ADGRL3: variants seen among roughly 807,000 people sequenced by gnomAD.
ADGRL3 encodes adhesion G protein-coupled receptor L3.
Under a neutral mutation model 153.5 loss-of-function variants are expected in ADGRL3, and 62 were observed. That is an observed-to-expected ratio of 0.40 (90% CI 0.33 to 0.50). The LOEUF (loss-of-function observed/expected upper bound fraction) is 0.50, where lower values mean the gene tolerates loss of function less well. Ranked by LOEUF, ADGRL3 falls within the 20% of genes least tolerant of loss-of-function variation. The probability of loss-of-function intolerance (pLI) is 0.47; values close to 1 mark genes in which losing one functional copy is unlikely to be tolerated. For missense variants in ADGRL3, 1,641 were observed against 1,859.4 expected (o/e 0.88, Z 2.16); for synonymous variants, 710 against 672.5 (o/e 1.06, Z -0.86).
At chr4:61,733,982 G>A (rs768800118) in intron 8 of ADGRL3, among the ~76,000 whole-genome samples, 132 of 152,200 alleles carry the variant, frequency 8.7e-4, no homozygotes, top group Non-Finnish European at 1.0e-3. Flanking sequence ...CCGCACCAAT[G>A]TAGTCATCTC....
chr4:61,255,689 C>T (rs1164177095), intron 1 of ADGRL3, among the ~76,000 whole-genome samples: 1 of 152,096 alleles, frequency 6.6e-6, no homozygotes, highest in East Asian at 1.9e-4. Flanking sequence ...AATTACTTGG[C>T]CACATCGCAC....
intron 5 of ADGRL3, among the ~76,000 whole-genome samples, chr4:61,634,336 G>A (rs2093322679): frequency 6.6e-6 from 1 of 152,122 alleles, no homozygotes; most frequent in South Asian, 2.1e-4. Flanking sequence ...TCCATACAAA[G>A]TCAGAGTACC....
At chr4:61,973,902 T>G (rs1231948175) in intron 17 of ADGRL3, among the ~76,000 whole-genome samples, 1 of 152,182 alleles carries the variant, frequency 6.6e-6, no homozygotes, top group East Asian at 1.9e-4. Flanking sequence ...GTAATCAAGA[T>G]GCAATTCAGA....
At chr4:61,516,700 C>T (rs2098497811) in intron 3 of ADGRL3, among the ~76,000 whole-genome samples, 1 of 151,908 alleles carries the variant, frequency 6.6e-6, no homozygotes, top group African/African-American at 2.4e-5. Flanking sequence ...TGTGTATATC[C>T]TTTTCACCTT....
intron 17 of ADGRL3, among the ~76,000 whole-genome samples, chr4:61,958,218 T>C (rs1278383353): frequency 6.6e-6 from 1 of 152,176 alleles, no homozygotes; most frequent in Admixed American, 6.6e-5. Flanking sequence ...TTATGGTATA[T>C]AAAATAATTT....
At chr4:61,510,537 T>A (rs2098457961) in intron 3 of ADGRL3, among the ~76,000 whole-genome samples, 1 of 152,184 alleles carries the variant, frequency 6.6e-6, no homozygotes, top group South Asian at 2.1e-4. Context: ...ATTGCATATT[T>A]TTTGTTGACC....
At chr4:61,247,890 A>G (rs1757719906) in intron 1 of ADGRL3, among the ~76,000 whole-genome samples, 1 of 152,094 alleles carries the variant, frequency 6.6e-6, no homozygotes, top group African/African-American at 2.4e-5. Flanking sequence ...CAAGGAAGTT[A>G]TCCTGTGATA....
chr4:61,652,929 G>A (rs2094311604), intron 5 of ADGRL3, among the ~76,000 whole-genome samples: 1 of 152,034 alleles, frequency 6.6e-6, no homozygotes, highest in Non-Finnish European at 1.5e-5. Flanking sequence ...ATCAATCCAT[G>A]CTGCTATGCA....
intron 2 of ADGRL3, chr4:61,385,895 GTGTT>G (rs1374593101): frequency 2.0e-5 from 3 of 152,062 alleles, no homozygotes; most frequent in African/African-American, 7.2e-5. Flanking sequence ...TTCTGTGTGT[GTGTT>G]TGTGTGTGTG....
At chr4:61,738,456 C>CAGAT (rs1561151508) in intron 8 of ADGRL3, among the ~76,000 whole-genome samples, 1 of 152,138 alleles carries the variant, frequency 6.6e-6, no homozygotes, top group Non-Finnish European at 1.5e-5. Flanking sequence ...ATTGCAGGGT[C>CAGAT]AGATGGTAGT....
rs140232617 is a variant in ADGRL3 at position 61,993,687 on chromosome 4, GTCTC to G, written c.3237-2589_3237-2586del. 6.0e-5 allele frequency among the ~76,000 whole-genome samples: 9 copies of G among 148,796 alleles called. No homozygotes were observed. In the South Asian group the frequency reaches 6.4e-4, roughly 11 times the overall value. ...TTCCTTCCCCAAGAGTTTCTTTTCTGTCTCTCTCTCTCTCTCTCCCTCTCTGTCG... is the reference window on the plus strand; with the variant it reads ...TTCCTTCCCCAAGAGTTTCTTTTCTGTCTCTCTCTCTCTCCCTCTCTGTCG... On this transcript the variant is annotated intron_variant, in intron 19 of 26. Coordinates refer to ENST00000683033, the MANE Select transcript of ADGRL3 (RefSeq NM_001387552.1).
intron 4 of ADGRL3, among the ~76,000 whole-genome samples, chr4:61,522,059 C>T (rs1156710613): frequency 3.3e-5 from 5 of 152,068 alleles, no homozygotes; most frequent in East Asian, 3.9e-4. Context: ...TTCATTCAAT[C>T]GTTCCTTCTA....
intron 1 of ADGRL3, among the ~76,000 whole-genome samples, chr4:61,271,147 C>T (rs2093151985): frequency 6.6e-6 from 1 of 151,820 alleles, no homozygotes; most frequent in South Asian, 2.1e-4. Flanking sequence ...GGCCTATAGA[C>T]TCAAGTGACT....
At chr4:61,392,438 G>A (rs1455228688) in intron 2 of ADGRL3, among the ~76,000 whole-genome samples, 1 of 151,158 alleles carries the variant, frequency 6.6e-6, no homozygotes, top group Non-Finnish European at 1.5e-5. Context: ...TGTAATCCCA[G>A]CACTTTGGGA....
At chr4:61,494,081 T>G (rs1227008374) in intron 2 of ADGRL3, among the ~76,000 whole-genome samples, 1 of 146,168 alleles carries the variant, frequency 6.8e-6, no homozygotes, top group Non-Finnish European at 1.5e-5. Flanking sequence ...TACTGTGTCC[T>G]GTTTTTTTTT....
At chr4:62,037,945 T>G in intron 24 of ADGRL3, 89 bp downstream of exon 24, 1 of 1,441,382 alleles carries the variant, frequency 6.9e-7, no homozygotes. Context: ...TAGCCTGTGT[T>G]TAACACATCG....
chr4:61,928,075 C>T (rs111856514), intron 13 of ADGRL3, among the ~76,000 whole-genome samples: 17 of 151,064 alleles, frequency 1.1e-4, no homozygotes, highest in African/African-American at 1.9e-4. Flanking sequence ...CATTATTCAG[C>T]GTGATTATGG....
At position 61,854,178 on chromosome 4, in the gene ADGRL3, C is replaced by T. The variant is rs1204780164; in HGVS notation, c.1481-38478C>T. On this transcript the variant is annotated intron_variant, in intron 9 of 26. Transcript: ENST00000683033. ...TGGTGAAATTGTAATGGAGGGCATC[C>T]AGAGAATTTACTGGACAATACTTTC... Among the ~76,000 whole-genome samples the T allele has an allele frequency of 2.0e-5, 3 of 152,058 alleles. No homozygotes were observed. The East Asian group carries it at 5.8e-4, about 29-fold the overall frequency.
intron 24 of ADGRL3, among the ~76,000 whole-genome samples, chr4:62,038,918 T>C (rs997620418): frequency 6.6e-6 from 1 of 152,096 alleles, no homozygotes; most frequent in Non-Finnish European, 1.5e-5. Context: ...GTTTTTAAGA[T>C]TGCATGATTC....
Sources: allele counts gnomAD v4.1 joint callset (sites outside exome capture counted in the v4.1 genomes callset), GRCh38; gene constraint gnomAD v4.1.1; transcripts MANE v1.5; gene names NCBI Gene and HGNC (gene_info 2026-07-23, HGNC 2026-07-21).